FERMT1: variants seen among roughly 807,000 people sequenced by gnomAD.
FERMT1 encodes the protein FERM domain containing kindlin 1, also known as fermitin family homolog 1.
Under a neutral mutation model 85.3 loss-of-function variants are expected in FERMT1, and 60 were observed. That is an observed-to-expected ratio of 0.70 (90% CI 0.57 to 0.87). The LOEUF (loss-of-function observed/expected upper bound fraction) is 0.87, where lower values mean the gene tolerates loss of function less well. FERMT1 is among the 40% of genes least tolerant of loss of function. The pLI is 0.00. For synonymous variants in FERMT1, 275 were observed against 301.1 expected (o/e 0.91, Z 0.90); for missense variants, 701 against 818.9 (o/e 0.86, Z 1.76).
chr20:6,078,419 A>G (rs1308072806), intron 14 of FERMT1, among the ~76,000 whole-genome samples: 1 of 152,238 alleles, frequency 6.6e-6, no homozygotes, highest in Non-Finnish European at 1.5e-5. Context: ...GGAAAATGAG[A>G]ATGCCAAAGG....
rs1274900215 is a variant in FERMT1 at position 6,075,364 on chromosome 20, A to G, written c.*1809T>C. The G allele has an allele frequency of 7.2e-6, 1 of 138,602 alleles. No homozygotes were observed. Among genetic ancestry groups the G allele is most frequent in the African/African-American group, 2.7e-5 (1 of 36,590 alleles). 8.6% of individuals were successfully genotyped at this position (138,602 alleles called of 1,614,324 possible). On this transcript the variant is annotated 3_prime_UTR_variant, in exon 15 of 15. Coordinates refer to ENST00000217289, the MANE Select transcript of FERMT1 (RefSeq NM_017671.5). The stretch of plus-strand genomic sequence containing the variant: ...AGGTTCTAAAATAATAGAACTGAGA[A>G]ATAGGACTGAGAAATGACCAACATC...
chr20:6,080,986 G>A (rs1981979043), intron 13 of FERMT1, among the ~76,000 whole-genome samples: 1 of 152,132 alleles, frequency 6.6e-6, no homozygotes, highest in Non-Finnish European at 1.5e-5. Context: ...GAAGAGGAAT[G>A]CTTTAAGAAC....
In FERMT1 at chr20:6,119,515, G is replaced by A. The variant is rs1983207194; in HGVS notation, c.40C>T (p.Leu14Phe). ...TTGGGATGGTCAACGCGGACCACAA[G>A]CTCCCAGGAAGCAAATGTAAAGTCA... ...STDFTFASWELVVRVDHPNEE... is the reference protein window; with the variant it reads ...STDFTFASWEFVVRVDHPNEE... The change falls in exon 2 of 15, where the codon CTT becomes TTT. Residue 14 changes from leucine (L) to phenylalanine (F), a missense_variant. Coordinates refer to ENST00000217289, the MANE Select transcript of FERMT1 (RefSeq NM_017671.5). 1.9e-6 allele frequency: 3 copies of A among 1,614,062 alleles called. No homozygotes were observed. The highest frequency in any genetic ancestry group is 1.1e-5 in the South Asian group (1 of 91,080).
Position 6,084,097 on chromosome 20 carries a change from C to T in FERMT1, c.1661G>A (p.Arg554Gln), listed in dbSNP as rs763811237. Reference sequence around the variant, plus strand: ...CAGTGACTGCCACGCCTGGATGAACCGCAGCTTGGCTTCGACCAGGGGCAT... The same window carrying T: ...CAGTGACTGCCACGCCTGGATGAACTGCAGCTTGGCTTCGACCAGGGGCAT... ...AQMPLVEAKL[R>Q]FIQAWQSLPE... The change falls in exon 13 of 15, where the codon CGG becomes CAG. Residue 554 changes from arginine (R) to glutamine (Q), a missense_variant. By Grantham distance (43) the Arg-to-Gln change is conservative. Coordinates refer to ENST00000217289, the MANE Select transcript of FERMT1 (RefSeq NM_017671.5). 40 of 1,613,876 alleles carry T rather than the reference C, an allele frequency of 2.5e-5. No individual in the cohort carries two copies. The Admixed American group carries it at 4.0e-4, about 16-fold the overall frequency.
At chr20:6,118,597 G>A (rs1421886792) in intron 2 of FERMT1, among the ~76,000 whole-genome samples, 1 of 152,236 alleles carries the variant, frequency 6.6e-6, no homozygotes, top group Non-Finnish European at 1.5e-5. Context: ...TGAAAAGCCC[G>A]CATCTAAGGC....
intron 8 of FERMT1, among the ~76,000 whole-genome samples, chr20:6,095,683 C>T (rs374446235): frequency 9.2e-5 from 14 of 152,260 alleles, no homozygotes; most frequent in African/African-American, 1.2e-4. Context: ...ATTTATTCAG[C>T]GGAGAAAGTA....
chr20:6,117,568 G>C (rs898109500), intron 2 of FERMT1, among the ~76,000 whole-genome samples: 9 of 152,142 alleles, frequency 5.9e-5, no homozygotes, highest in African/African-American at 1.7e-4. Context: ...TGAGTAGCTG[G>C]GATTGTAGGC....
rs1982136233 is a variant in FERMT1, at chr20:6,085,175, A to G, written c.1484T>C (p.Met495Thr). ...CTGAGATGCAGAGTTCCTGTTTTTC[A>G]TCCTCAGAAATGAAAGGATGTTGAG... ...EVLNILSFLR[M>T]KNRNSASQVA... The change falls in exon 12 of 15, where the codon ATG becomes ACG. Residue 495 changes from methionine (M) to threonine (T), a missense_variant. Physicochemically the swap from Met to Thr is moderately conservative, Grantham distance 81. Transcript: ENST00000217289. 1 of 1,614,052 alleles carries G rather than the reference A, an allele frequency of 6.2e-7. No homozygotes were observed. Among genetic ancestry groups the G allele is most frequent in the African/African-American group, 1.3e-5 (1 of 74,918 alleles).
At chr20:6,090,314 C>A (rs1482418114) in intron 9 of FERMT1, among the ~76,000 whole-genome samples, 1 of 152,088 alleles carries the variant, frequency 6.6e-6, no homozygotes, top group Non-Finnish European at 1.5e-5. Flanking sequence ...ACCTTGTGAT[C>A]TGCCCGCCTC....
At chr20:6,109,617 C>T (rs1982889332) in intron 5 of FERMT1, among the ~76,000 whole-genome samples, 1 of 152,158 alleles carries the variant, frequency 6.6e-6, no homozygotes, top group African/African-American at 2.4e-5. Context: ...AGAAGAGCGA[C>T]AGCTGGGCGC....
chr20:6,121,964 C>A (rs1443679749), intron 1 of FERMT1, among the ~76,000 whole-genome samples: 1 of 152,202 alleles, frequency 6.6e-6, no homozygotes, highest in Non-Finnish European at 1.5e-5. Flanking sequence ...AACTGTTCGA[C>A]TTTAAGATCC....
chr20:6,119,405 G>T lies in FERMT1; in HGVS notation c.150C>A (p.Ile50=). 6.2e-7 allele frequency: 1 copy of T among 1,614,000 alleles called. No individual in the cohort carries two copies. Among genetic ancestry groups the T allele is most frequent in the Non-Finnish European group, 8.5e-7 (1 of 1,179,868 alleles). The change falls in exon 2 of 15, where the codon ATC becomes ATA. Residue 50 remains isoleucine, a splice_region_variant and synonymous_variant. Coordinates refer to ENST00000217289, the MANE Select transcript of FERMT1 (RefSeq NM_017671.5). ...AACCGTAAAGCAAGAGTAACTTACT[G>T]ATCTGTTCTACTAACTTGAGCATCA... ...GGVMLKLVEQ[I]NISQDWSDFA... is the part of the protein sequence containing the mutation.
chr20:6,097,654 G>A, intron 6 of FERMT1, 23 bp from the exon 7 acceptor site: 1 of 1,457,534 alleles, frequency 6.9e-7, no homozygotes. Context: ...ACAGAGGTGT[G>A]TGTGTAATGA....
chr20:6,095,493 C>CTTATATA (rs1982476104), intron 8 of FERMT1, among the ~76,000 whole-genome samples: 1 of 152,146 alleles, frequency 6.6e-6, no homozygotes, highest in Non-Finnish European at 1.5e-5. Context: ...GTGGGTAACT[C>CTTATATA]CTGCTACACC....
At chr20:6,112,418 A>C in intron 4 of FERMT1, 59 bp downstream of exon 4, 1 of 1,548,810 alleles carries the variant, frequency 6.5e-7, no homozygotes, top group Non-Finnish European at 8.9e-7. Flanking sequence ...GGAGAGATAT[A>C]TTTCTCTCTT....
At position 6,119,257 on chromosome 20, in the gene FERMT1, T is replaced by C. The variant is rs1318975133; in HGVS notation, c.151+147A>G. The C allele has an allele frequency of 3.4e-6, 3 of 875,442 alleles. No individual in the cohort carries two copies. The Admixed American group carries it at 6.0e-5, about 18-fold the overall frequency. The allele number at this position is 875,442 out of a possible 1,614,324, so 54.2% of individuals were successfully genotyped here. The stretch of plus-strand genomic sequence containing the variant: ...GCCACGGCACCCAGCCTGGGCTATT[T>C]CTTTCTCTCCTCTGGGATGAGGGGT... On this transcript the variant is annotated intron_variant, in intron 2 of 14. Transcript: ENST00000217289.
chr20:6,097,985 T>C (rs1982556346), intron 6 of FERMT1, among the ~76,000 whole-genome samples: 1 of 151,936 alleles, frequency 6.6e-6, no homozygotes, highest in South Asian at 2.1e-4. Flanking sequence ...TGGCTAATGT[T>C]TGTGTTTTTT....
chr20:6,088,857 C>T, intron 10 of FERMT1, 108 bp downstream of exon 10: 1 of 1,078,878 alleles, frequency 9.3e-7, no homozygotes, highest in Non-Finnish European at 1.4e-6. Context: ...CTCCTGACCT[C>T]AGGTGATCCG....
intron 11 of FERMT1, among the ~76,000 whole-genome samples, chr20:6,087,096 T>C (rs139312830): frequency 1.2e-3 from 175 of 152,030 alleles, no homozygotes; most frequent in African/African-American, 3.9e-3. Flanking sequence ...CTTTAGGAGG[T>C]GCATGTGTTG....
Sources: allele counts gnomAD v4.1 joint callset (sites outside exome capture counted in the v4.1 genomes callset), GRCh38; gene constraint gnomAD v4.1.1; transcripts MANE v1.5; gene names NCBI Gene and HGNC (gene_info 2026-07-23, HGNC 2026-07-21).